POTEE: variants seen among roughly 807,000 people sequenced by gnomAD.
The protein encoded by POTEE is POTE ankyrin domain family member E.
Under a neutral mutation model 74.2 loss-of-function variants are expected in POTEE, and 21 were observed. That is an observed-to-expected ratio of 0.28 (90% CI 0.20 to 0.41). The LOEUF is 0.41. Among genes scored for constraint, POTEE ranks in the 10% least tolerant of loss-of-function variants. The pLI, the probability that POTEE is intolerant of heterozygous loss-of-function variation, is 1.00. For missense variants in POTEE, 525 were observed against 1,158.6 expected (o/e 0.45, Z 7.94); for synonymous variants, 211 against 432.8 (o/e 0.49, Z 6.36).
intron 8 of POTEE, among the ~76,000 whole-genome samples, chr2:131,229,391 A>C (rs1700878637): frequency 6.6e-6 from 1 of 152,158 alleles, no homozygotes; most frequent in Admixed American, 6.5e-5. Context: ...AGTGGCTCCC[A>C]GCTGTGGTTG....
chr2:131,209,955 T>G (rs1324423472), intron 1 of POTEE, among the ~76,000 whole-genome samples, 136 bp downstream of exon 1: 3 of 92,592 alleles, frequency 3.2e-5, no homozygotes, highest in East Asian at 3.6e-4. Context: ...TTGCTGGCGG[T>G]GGAGGGGGGC....
intron 17 of POTEE, among the ~76,000 whole-genome samples, chr2:131,262,748 T>G (rs1237121753): frequency 2.0e-5 from 3 of 152,266 alleles, no homozygotes; most frequent in African/African-American, 7.2e-5. Flanking sequence ...GATACAGATG[T>G]GTACAGTGTA....
At chr2:131,215,590 A>T (rs1443790530) in intron 2 of POTEE, among the ~76,000 whole-genome samples, 1 of 149,228 alleles carries the variant, frequency 6.7e-6, no homozygotes, top group African/African-American at 2.5e-5. Context: ...TAATTTTTCT[A>T]CTAAAGGTGT....
chr2:131,239,876 G>A (rs557401920), intron 12 of POTEE, among the ~76,000 whole-genome samples: 1 of 152,322 alleles, frequency 6.6e-6, no homozygotes, highest in Admixed American at 6.5e-5. Flanking sequence ...TCTCCTCTTT[G>A]TGTCCATGAG....
At chr2:131,234,037 T>TTTGACTCTCACTAATAAGAC (rs1701048476) in intron 9 of POTEE, among the ~76,000 whole-genome samples, 2 of 151,184 alleles carry the variant, frequency 1.3e-5, no homozygotes, top group African/African-American at 4.9e-5. Context: ...ATCCTACTAG[T>TTTGACTCTCACTAATAAGAC]TTGACTCTCA....
Position 131,211,078 on chromosome 2 carries a change from G to T in POTEE, c.-294G>T, listed in dbSNP as rs1307004178. On this transcript the variant is annotated 5_prime_UTR_variant, in exon 2 of 18. The change creates a new upstream start codon in the 5' untranslated region. Transcript: ENST00000683005. ...TGCTCCAAGCCAGGCTGGAGGAGGA[G>T]GAGAAGGAATCACCTGTGGTACGCT... Among the ~76,000 whole-genome samples, 1 of 151,196 alleles carries T rather than the reference G, an allele frequency of 6.6e-6. No individual in the cohort carries two copies. Among genetic ancestry groups the T allele is most frequent in the Non-Finnish European group, 1.5e-5 (1 of 68,020 alleles).
intron 8 of POTEE, among the ~76,000 whole-genome samples, chr2:131,229,209 T>C (rs1700871810): frequency 6.6e-6 from 1 of 152,150 alleles, no homozygotes; most frequent in East Asian, 1.9e-4. Flanking sequence ...TTGTTGGTCT[T>C]TTCTCTGGCA....
chr2:131,214,797 G>A (rs1336066938), intron 2 of POTEE, among the ~76,000 whole-genome samples: 1 of 152,076 alleles, frequency 6.6e-6, no homozygotes, highest in Non-Finnish European at 1.5e-5. Context: ...TTTGACTTTG[G>A]AAAATAGTTT....
chr2:131,217,092 A>G lies in POTEE; in HGVS notation c.-188-497A>G, dbSNP rs866471475. On this transcript the variant is annotated intron_variant, in intron 2 of 17. Transcript: ENST00000683005. ...TAATATATAAATTGTATCTCAATGA[A>G]CCTGTGAAAAAAGTTAAAAAATATG... is the stretch of plus-strand genomic sequence containing the variant. Among the ~76,000 whole-genome samples the G allele has an allele frequency of 5.1e-3, 773 of 150,986 alleles. 1 individual carries two copies. Among genetic ancestry groups the G allele is most frequent in the Middle Eastern group, 0.01 (3 of 292 alleles).
intron 2 of POTEE, among the ~76,000 whole-genome samples, chr2:131,212,841 G>A (rs1700385726): frequency 6.6e-6 from 1 of 151,196 alleles, no homozygotes; most frequent in South Asian, 2.1e-4. Flanking sequence ...TGGGATTGGA[G>A]GTGTGAGCCA....
chr2:131,232,748 C>G (rs1010646788), intron 9 of POTEE, among the ~76,000 whole-genome samples: 3 of 151,612 alleles, frequency 2.0e-5, no homozygotes, highest in Non-Finnish European at 4.4e-5. Context: ...ACTTTTCCCT[C>G]TTTCAGCTGT....
intron 10 of POTEE, among the ~76,000 whole-genome samples, chr2:131,237,637 A>G (rs1309921704): frequency 2.0e-5 from 3 of 151,702 alleles, no homozygotes. Flanking sequence ...ACAGTATATA[A>G]TCTCAATTAA....
chr2:131,218,661 G>A lies in POTEE; in HGVS notation c.259G>A (p.Asp87Asn), dbSNP rs552165126. The A allele has an allele frequency of 4.6e-5, 74 of 1,601,394 alleles. No individual in the cohort carries two copies. The East Asian group carries it at 1.5e-3, about 32-fold the overall frequency. Reference sequence around the variant, plus strand: ...CAACGTGGGCGCTTCTGGAGACCACGACGACTCTGCTATGAAGACACTCAG... The same window carrying A: ...CAACGTGGGCGCTTCTGGAGACCACAACGACTCTGCTATGAAGACACTCAG... ...KSNVGASGDH[D>N]DSAMKTLRNK... Residue 87 changes from aspartate (D) to asparagine (N), a missense_variant, in exon 4 of 18, where the codon GAC (aspartate) becomes AAC (asparagine). Asp to Asn is a conservative substitution (Grantham distance 23). Coordinates refer to ENST00000683005, the MANE Select transcript of POTEE (RefSeq NM_001083538.3).
intron 6 of POTEE, among the ~76,000 whole-genome samples, chr2:131,225,686 GTTT>G (rs1207304302): frequency 8.0e-6 from 1 of 124,760 alleles, no homozygotes. Flanking sequence ...TCCAACCTCA[GTTT>G]TTTTTTTTTT....
Position 131,218,714 on chromosome 2 carries a change from C to T in POTEE, c.312C>T (p.His104=), listed in dbSNP as rs374246872. 3.2e-6 allele frequency: 5 copies of T among 1,564,484 alleles called. No homozygotes were observed. Among genetic ancestry groups the T allele is most frequent in the South Asian group, 1.1e-5 (1 of 88,032 alleles). ...ACAAGATGGGGAAGTGGTGCTGCCA[C>T]TGCTTCCCCTGCTGCAGGGGGAGCG... ...LRNKMGKWCC[H]CFPCCRGSGK... is the part of the protein sequence containing the mutation. The change falls in exon 4 of 18, where the codon CAC becomes CAT. Residue 104 remains histidine, a synonymous_variant. Coordinates refer to ENST00000683005, the MANE Select transcript of POTEE (RefSeq NM_001083538.3).
intron 8 of POTEE, 135 bp downstream of exon 8, chr2:131,228,516 T>A: frequency 6.9e-7 from 1 of 1,448,922 alleles, no homozygotes; most frequent in South Asian, 1.3e-5. Context: ...GTTAGTCCCC[T>A]GCATCAGCCA....
intron 6 of POTEE, among the ~76,000 whole-genome samples, chr2:131,224,736 T>G (rs1700728684): frequency 6.6e-6 from 1 of 150,960 alleles, no homozygotes; most frequent in African/African-American, 2.4e-5. Flanking sequence ...GGTTGTAAAC[T>G]ACCTAGAGAT....
rs1366391276 is a variant in POTEE at position 131,209,579 on chromosome 2, G to A, written c.-585G>A. Among the ~76,000 whole-genome samples, 2 of 152,226 alleles carry A rather than the reference G, an allele frequency of 1.3e-5. No homozygotes were observed. Among genetic ancestry groups the A allele is most frequent in the East Asian group, 1.9e-4 (1 of 5,192 alleles). On this transcript the variant is annotated 5_prime_UTR_variant, in exon 1 of 18. Transcript: ENST00000683005. Reference sequence around the variant, plus strand: ...TGGGCGTTTGGTAACCGGCATGGCTGCTACCTGTTTCTGGCTGGAGCCTCG... The same window carrying A: ...TGGGCGTTTGGTAACCGGCATGGCTACTACCTGTTTCTGGCTGGAGCCTCG...
intron 9 of POTEE, among the ~76,000 whole-genome samples, chr2:131,235,485 C>T (rs1464535602): frequency 2.6e-5 from 4 of 152,028 alleles, no homozygotes; most frequent in African/African-American, 9.7e-5. Flanking sequence ...AAGACGTTCT[C>T]ATAGCATTGT....
Sources: gnomAD v4.1 joint callset for allele counts (sites outside exome capture counted in the v4.1 genomes callset) on GRCh38, gnomAD v4.1.1 for gene constraint, MANE v1.5 for transcripts, NCBI Gene and HGNC (gene_info 2026-07-23, HGNC 2026-07-21) for gene names.